The following GPR149 variants were observed in gnomAD, a reference collection of about 807,000 sequenced individuals.
GPR149 encodes the protein probable G protein-coupled receptor 149.
GPR149 carries 50 observed loss-of-function variants against 50.2 expected under a neutral mutation model. The ratio of observed to expected loss-of-function variants is 1.00; its 90% CI spans 0.79 to 1.26. The LOEUF is 1.26. Among genes scored for constraint, GPR149 ranks in the 50% most tolerant of loss-of-function variants. GPR149 has a pLI of 0.00. For missense variants in GPR149, 983 were observed against 895.4 expected, an observed-to-expected ratio of 1.10 and a Z score of -1.25; for synonymous variants, 405 against 358.2, an observed-to-expected ratio of 1.13 and a Z score of -1.48.
intron 3 of GPR149, among the ~76,000 whole-genome samples, chr3:154,350,373 A>C (rs545433801): frequency 6.6e-6 from 1 of 152,348 alleles, no homozygotes; most frequent in South Asian, 2.1e-4. Context: ...AGATACATGT[A>C]CAAAATCATT....
intron 3 of GPR149, among the ~76,000 whole-genome samples, chr3:154,348,427 A>G (rs2108387464): frequency 6.6e-6 from 1 of 152,304 alleles, no homozygotes; most frequent in African/African-American, 2.4e-5. Flanking sequence ...TCATGCAAAC[A>G]TCAATCAAAG....
chr3:154,374,942 G>T (rs1028979403), intron 3 of GPR149, among the ~76,000 whole-genome samples: 2 of 152,152 alleles, frequency 1.3e-5, no homozygotes, highest in African/African-American at 4.8e-5. Context: ...GCTATATAAT[G>T]TGGTACAGTT....
At chr3:154,395,529 C>CT (rs1392562916) in intron 3 of GPR149, among the ~76,000 whole-genome samples, 1 of 151,746 alleles carries the variant, frequency 6.6e-6, no homozygotes, top group Non-Finnish European at 1.5e-5. Context: ...TAGCCCATGC[C>CT]TGTAACCCTA....
At chr3:154,369,791 G>A (rs1714619962) in intron 3 of GPR149, among the ~76,000 whole-genome samples, 1 of 152,240 alleles carries the variant, frequency 6.6e-6, no homozygotes, top group African/African-American at 2.4e-5. Flanking sequence ...CTAACATGGA[G>A]AGATATCATG....
chr3:154,364,265 A>G (rs1360926532), intron 3 of GPR149, among the ~76,000 whole-genome samples: 1 of 152,230 alleles, frequency 6.6e-6, no homozygotes, highest in Non-Finnish European at 1.5e-5. Flanking sequence ...TGCATTGGGC[A>G]TTAAGTTACA....
chr3:154,409,909 A>G (rs1027883912), intron 3 of GPR149, among the ~76,000 whole-genome samples: 1 of 152,194 alleles, frequency 6.6e-6, no homozygotes, highest in African/African-American at 2.4e-5. Flanking sequence ...CAAAAAGATC[A>G]TCTCCTAGGA....
chr3:154,398,925 C>T (rs1231411451), intron 3 of GPR149, among the ~76,000 whole-genome samples: 1 of 152,122 alleles, frequency 6.6e-6, no homozygotes, highest in Non-Finnish European at 1.5e-5. Context: ...ATTCACAGAG[C>T]TGAATGTAAC....
At position 154,400,200 on chromosome 3, in the gene GPR149, A is replaced by G. The variant is rs574939757; in HGVS notation, c.1623+20839T>C. Among the ~76,000 whole-genome samples, 44 of 151,990 alleles carry G rather than the reference A, an allele frequency of 2.9e-4. 1 individual carries two copies. The highest frequency in any genetic ancestry group is 9.4e-4 in the African/African-American group (39 of 41,478). ...ACGGGGTTTCACCGTGTTAGCCAGG[A>G]TGGTCTCAATCTCCTGACCTCGTGA... is the stretch of plus-strand genomic sequence containing the variant. On this transcript the variant is annotated intron_variant, in intron 3 of 3. Transcript: ENST00000389740.
intron 3 of GPR149, among the ~76,000 whole-genome samples, chr3:154,384,312 C>T (rs995929961): frequency 3.9e-5 from 6 of 152,164 alleles, no homozygotes; most frequent in African/African-American, 1.4e-4. Flanking sequence ...ACACCTCAAG[C>T]ATAAAAAGAA....
intron 3 of GPR149, among the ~76,000 whole-genome samples, chr3:154,359,434 G>A (rs889878625): frequency 4.2e-4 from 64 of 152,114 alleles, no homozygotes; most frequent in African/African-American, 1.5e-3. Flanking sequence ...AGAAGAAAGG[G>A]TACCAGAGAG....
chr3:154,369,169 T>C (rs927054169), intron 3 of GPR149, among the ~76,000 whole-genome samples: 2 of 152,106 alleles, frequency 1.3e-5, no homozygotes, highest in African/African-American at 2.4e-5. Context: ...AAATTCCAAA[T>C]GGGCACCATG....
rs1379355277 is a variant in GPR149 at position 154,404,857 on chromosome 3, A to ATCG, written c.1623+16181_1623+16182insCGA. Among the ~76,000 whole-genome samples, 73 of 65,232 alleles carry ATCG rather than the reference A, an allele frequency of 1.1e-3. No individual in the cohort carries two copies. In the South Asian group the frequency reaches 0.022, roughly 20 times the overall value. 42.8% of individuals were successfully genotyped at this position (65,232 alleles called of 152,430 possible). On this transcript the variant is annotated intron_variant, in intron 3 of 3. Transcript: ENST00000389740. ...AGCAAGTATTCAATAAATACTAGCTATCATCATCATCATCATCAGCAGCAG... is the reference window on the plus strand; with the variant it reads ...AGCAAGTATTCAATAAATACTAGCTATCGTCATCATCATCATCATCAGCAGCAG...
chr3:154,354,161 TC>T, intron 3 of GPR149: 1 of 494,270 alleles, frequency 2.0e-6, no homozygotes. Flanking sequence ...CTTGGAAGCA[TC>T]CAGGTCATCT....
chr3:154,394,602 G>C (rs1194133150), intron 3 of GPR149, among the ~76,000 whole-genome samples: 1 of 152,088 alleles, frequency 6.6e-6, no homozygotes, highest in African/African-American at 2.4e-5. Flanking sequence ...GCATGAAAAG[G>C]TAACCTACAG....
intron 3 of GPR149, among the ~76,000 whole-genome samples, chr3:154,393,528 G>A (rs1715216682): frequency 6.6e-6 from 1 of 151,926 alleles, no homozygotes; most frequent in African/African-American, 2.4e-5. Flanking sequence ...ACAAGGCAAG[G>A]ATGCCCACTC....
chr3:154,350,011 T>C (rs1269776406), intron 3 of GPR149, among the ~76,000 whole-genome samples: 2 of 152,066 alleles, frequency 1.3e-5, no homozygotes, highest in Non-Finnish European at 1.5e-5. Flanking sequence ...CAGCTCACTG[T>C]AGCCTCCACC....
chr3:154,337,631 T>A lies in GPR149; in HGVS notation c.*68A>T, dbSNP rs1316393804. 6.7e-6 allele frequency: 8 copies of A among 1,189,602 alleles called. No individual in the cohort carries two copies. Among genetic ancestry groups the A allele is most frequent in the African/African-American group, 1.5e-5 (1 of 65,700 alleles). The allele number at this position is 1,189,602 out of a possible 1,614,324, so 73.7% of individuals were successfully genotyped here. On this transcript the variant is annotated 3_prime_UTR_variant, in exon 4 of 4. Coordinates refer to ENST00000389740, the MANE Select transcript of GPR149 (RefSeq NM_001038705.3). ...AACAAATAAAAGGAAATCAGTCTCA[T>A]AACAAAGGTGTTAGTTTCACAGTTG...
chr3:154,369,935 C>T lies in GPR149; in HGVS notation c.1624-31664G>A, dbSNP rs180913989. On this transcript the variant is annotated intron_variant, in intron 3 of 3. Transcript: ENST00000389740. Reference sequence around the variant, plus strand: ...CCGGAGGAGAGGGAAAAATTCCCCACAGGGCAACAGGCAGCCCCCACTGTA... The same window carrying T: ...CCGGAGGAGAGGGAAAAATTCCCCATAGGGCAACAGGCAGCCCCCACTGTA... Among the ~76,000 whole-genome samples the T allele has an allele frequency of 6.1e-4, 93 of 152,296 alleles. 1 individual carries two copies. Among genetic ancestry groups the T allele is most frequent in the African/African-American group, 2.1e-3 (87 of 41,562 alleles).
chr3:154,384,555 T>C (rs2108408507), intron 3 of GPR149, among the ~76,000 whole-genome samples: 1 of 152,346 alleles, frequency 6.6e-6, no homozygotes, highest in East Asian at 1.9e-4. Context: ...ATGAAAGAAT[T>C]ACAAACTATA....
Sources: gnomAD v4.1 joint callset for allele counts (sites outside exome capture counted in the v4.1 genomes callset) on GRCh38, gnomAD v4.1.1 for gene constraint, MANE v1.5 for transcripts, NCBI Gene and HGNC (gene_info 2026-07-23, HGNC 2026-07-21) for gene names.